Variants in SCRN3 observed in about 807,000 individuals in gnomAD.
SCRN3 encodes the protein secernin 3, also known as secernin-3.
Under a neutral mutation model 43.1 loss-of-function variants are expected in SCRN3, and 39 were observed. That is an observed-to-expected ratio of 0.91 (90% confidence interval 0.70 to 1.18). SCRN3 has a LOEUF of 1.18. SCRN3 is among the 50% of genes most tolerant of loss of function. The pLI, the probability that SCRN3 is intolerant of heterozygous loss-of-function variation, is 0.00. For missense variants in SCRN3, 484 were observed against 498.0 expected (o/e 0.97, Z 0.27); for synonymous variants, 147 against 163.1 (o/e 0.90, Z 0.75).
chr2:174,396,494 G>A (rs1000053905), intron 1 of SCRN3, among the ~76,000 whole-genome samples: 10 of 152,090 alleles, frequency 6.6e-5, no homozygotes, highest in Non-Finnish European at 1.0e-4. Flanking sequence ...CTCTATCAGG[G>A]TAATGTTAAG....
chr2:174,410,312 TCGGCTCGCGCA>T (rs1254074402), intron 5 of SCRN3: 3 of 150,672 alleles, frequency 2.0e-5, no homozygotes, highest in Non-Finnish European at 3.0e-5. Context: ...TCGCCCTGCT[TCGGCTCGCGCA>T]CGGTGCGCGC....
chr2:174,398,213 CTCTT>C, intron 1 of SCRN3, 58 bp from the exon 2 acceptor site: 2 of 1,029,794 alleles, frequency 1.9e-6, no homozygotes, highest in Non-Finnish European at 2.7e-6. Flanking sequence ...TTGAGTAAAA[CTCTT>C]TATTTTTATA....
intron 5 of SCRN3, among the ~76,000 whole-genome samples, chr2:174,421,894 T>TTAATTTA (rs1464664201): frequency 2.0e-5 from 3 of 151,980 alleles, no homozygotes; most frequent in Non-Finnish European, 4.4e-5. Context: ...AATTGGTAAG[T>TTAATTTA]GGTAAAGAGT....
In SCRN3 at chr2:174,402,882, G is replaced by A. The variant is rs193110912; in HGVS notation, c.542-1221G>A. Among the ~76,000 whole-genome samples, 83 of 151,836 alleles carry A rather than the reference G, an allele frequency of 5.5e-4. 1 individual carries two copies. Among genetic ancestry groups the A allele is most frequent in the Non-Finnish European group, 1.2e-4 (8 of 67,918 alleles). ...AAAACATTATCGATTTTTGTTTATC[G>A]TGATCTGTTTCATTTAGTATAATCT... is the stretch of plus-strand genomic sequence containing the variant. On this transcript the variant is annotated intron_variant, in intron 4 of 7. Transcript: ENST00000272732.
intron 2 of SCRN3, 152 bp downstream of exon 2, chr2:174,398,594 T>C: frequency 1.7e-6 from 1 of 592,428 alleles, no homozygotes; most frequent in Non-Finnish European, 2.8e-6. Flanking sequence ...TGTGATCTTT[T>C]ATTTCAGTGA....
intron 5 of SCRN3, among the ~76,000 whole-genome samples, chr2:174,412,977 T>C (rs994535112): frequency 1.4e-5 from 2 of 147,666 alleles, no homozygotes; most frequent in African/African-American, 5.0e-5. Context: ...CAAGCGATTC[T>C]CCTGCCTCAG....
At chr2:174,402,549 G>A (rs764341517) in intron 4 of SCRN3, among the ~76,000 whole-genome samples, 6 of 152,096 alleles carry the variant, frequency 3.9e-5, no homozygotes, top group Non-Finnish European at 5.9e-5. Flanking sequence ...TTAGCTGAGT[G>A]TGGTGGTGTG....
chr2:174,401,218 G>T, intron 4 of SCRN3, 29 bp downstream of exon 4: 1 of 1,565,122 alleles, frequency 6.4e-7, no homozygotes, highest in Non-Finnish European at 8.8e-7. Flanking sequence ...GATTTAACTT[G>T]TTTTTGCAAT....
intron 2 of SCRN3, among the ~76,000 whole-genome samples, chr2:174,399,524 T>C (rs1203554720): frequency 6.6e-6 from 1 of 152,232 alleles, no homozygotes; most frequent in Non-Finnish European, 1.5e-5. Flanking sequence ...TTTCAAGATA[T>C]TACAGCTAGA....
intron 5 of SCRN3, chr2:174,409,914 TTGTC>T (rs1422768509): frequency 1.4e-5 from 2 of 139,900 alleles, no homozygotes; most frequent in East Asian, 4.2e-4. Flanking sequence ...GTCTTTTTGT[TTGTC>T]TGTGCCCTGC....
intron 1 of SCRN3, 27 bp downstream of exon 1, chr2:174,395,844 G>C: frequency 2.0e-6 from 3 of 1,475,590 alleles, no homozygotes; most frequent in Non-Finnish European, 2.7e-6. Context: ...GGGGAGGGGC[G>C]TGCATAGTTG....
At chr2:174,420,621 G>A (rs1281417550) in intron 5 of SCRN3, among the ~76,000 whole-genome samples, 1 of 152,136 alleles carries the variant, frequency 6.6e-6, no homozygotes, top group Non-Finnish European at 1.5e-5. Flanking sequence ...CAGGGAACTG[G>A]AGTCTGTAAA....
intron 7 of SCRN3, 46 bp from the exon 8 acceptor site, chr2:174,427,667 A>C: frequency 8.4e-7 from 1 of 1,195,876 alleles, no homozygotes. Flanking sequence ...GGTTAGATTT[A>C]TGTGTATATG....
chr2:174,411,582 T>G (rs1685918134), intron 5 of SCRN3, among the ~76,000 whole-genome samples: 1 of 152,196 alleles, frequency 6.6e-6, no homozygotes, highest in African/African-American at 2.4e-5. Context: ...ATTCTTTACT[T>G]TCAAGTTTTT....
intron 3 of SCRN3, 63 bp from the exon 4 acceptor site, chr2:174,400,927 A>G: frequency 7.5e-7 from 1 of 1,327,380 alleles, no homozygotes; most frequent in Non-Finnish European, 1.0e-6. Context: ...CATGAGCATG[A>G]AATTATTTAA....
At chr2:174,420,474 A>C (rs1020928137) in intron 5 of SCRN3, among the ~76,000 whole-genome samples, 1 of 152,210 alleles carries the variant, frequency 6.6e-6, no homozygotes, top group Non-Finnish European at 1.5e-5. Flanking sequence ...ATAAGACCAA[A>C]TGACTGAAAA....
At chr2:174,427,110 G>A (rs1411591244) in intron 7 of SCRN3, among the ~76,000 whole-genome samples, 6 of 152,260 alleles carry the variant, frequency 3.9e-5, no homozygotes, top group African/African-American at 4.8e-5. Context: ...GGTTACAGGC[G>A]TGAGCCACTG....
Position 174,427,941 on chromosome 2 carries a change from G to A in SCRN3, c.*46G>A, listed in dbSNP as rs978415663. On this transcript the variant is annotated 3_prime_UTR_variant, in exon 8 of 8. Coordinates refer to ENST00000272732, the MANE Select transcript of SCRN3 (RefSeq NM_024583.5). ...ATTAGTTCTTAGTGATCAGTGGTCA[G>A]TAATCTTCAAAGTCAGAATCTATCA... 7.9e-7 allele frequency: 1 copy of A among 1,269,084 alleles called. No homozygotes were observed. Among genetic ancestry groups the A allele is most frequent in the African/African-American group, 1.5e-5 (1 of 68,114 alleles). 78.6% of individuals were successfully genotyped at this position (1,269,084 alleles called of 1,614,324 possible).
Position 174,422,347 on chromosome 2 carries a change from G to A in SCRN3, c.755-538G>A, listed in dbSNP as rs575702911. Among the ~76,000 whole-genome samples the A allele has an allele frequency of 2.0e-5, 3 of 152,286 alleles. No homozygotes were observed. In the East Asian group the frequency reaches 5.8e-4, roughly 29 times the overall value. On this transcript the variant is annotated intron_variant, in intron 5 of 7. Coordinates refer to ENST00000272732, the MANE Select transcript of SCRN3 (RefSeq NM_024583.5). ...CAGCACTTCGGGAGGCCGAGCTGGG[G>A]AGGATCACCTGAGGTCAGGAGTTCA...
Sources: allele counts gnomAD v4.1 joint callset (sites outside exome capture counted in the v4.1 genomes callset), GRCh38; gene constraint gnomAD v4.1.1; transcripts MANE v1.5; gene names NCBI Gene and HGNC (gene_info 2026-07-23, HGNC 2026-07-21).